The following PTPRM variants were observed in gnomAD, a reference collection of about 807,000 sequenced individuals.
PTPRM encodes the protein receptor-type tyrosine-protein phosphatase mu.
PTPRM carries 47 observed loss-of-function variants against 186.7 expected under a neutral mutation model. That is an observed-to-expected ratio of 0.25 (90% confidence interval 0.20 to 0.32). The LOEUF is 0.32. Ranked by LOEUF, PTPRM falls within the 10% of genes least tolerant of loss-of-function variation. The pLI is 1.00. For synonymous variants in PTPRM, 668 were observed against 674.9 expected (o/e 0.99, Z 0.16); for missense variants, 1,494 against 1,865.0 (o/e 0.80, Z 3.66).
chr18:7,865,514 C>G (rs192241022), intron 2 of PTPRM, among the ~76,000 whole-genome samples: 207 of 152,278 alleles, frequency 1.4e-3, no homozygotes, highest in African/African-American at 4.6e-3. Context: ...TTGAACCAGC[C>G]TTGCATCCCA....
chr18:7,883,379 A>G (rs1325889473), intron 2 of PTPRM, among the ~76,000 whole-genome samples: 1 of 152,206 alleles, frequency 6.6e-6, no homozygotes, highest in Non-Finnish European at 1.5e-5. Context: ...CAGACTTAAT[A>G]GTCTAAAATT....
At position 8,127,759 on chromosome 18, in the gene PTPRM, TTCATTCAC is replaced by T. The variant is rs1392664696; in HGVS notation, c.2167+12940_2167+12947del. 5.3e-5 allele frequency among the ~76,000 whole-genome samples: 8 copies of T among 152,296 alleles called. No homozygotes were observed. In the East Asian group the frequency reaches 1.5e-3, roughly 29 times the overall value. ...AGAGAAGCTATCATTCATTCATTCA[TTCATTCAC>T]TCATTCATTGTTTCCATCGATGCGC... On this transcript the variant is annotated intron_variant, in intron 13 of 32. Coordinates refer to ENST00000580170, the MANE Select transcript of PTPRM (RefSeq NM_001105244.2).
At chr18:7,658,534 G>A (rs112456437) in intron 1 of PTPRM, among the ~76,000 whole-genome samples, 1 of 151,776 alleles carries the variant, frequency 6.6e-6, no homozygotes, top group Non-Finnish European at 1.5e-5. Flanking sequence ...TGTGTTAGGG[G>A]TTGCATGTCT....
chr18:8,134,559 T>A (rs1387075769), intron 13 of PTPRM, among the ~76,000 whole-genome samples: 2 of 152,210 alleles, frequency 1.3e-5, no homozygotes, highest in Admixed American at 6.5e-5. Context: ...GACTAGTATA[T>A]CATGCTCCAG....
chr18:8,336,433 T>C (rs2095439307), intron 22 of PTPRM, among the ~76,000 whole-genome samples: 1 of 152,002 alleles, frequency 6.6e-6, no homozygotes, highest in South Asian at 2.1e-4. Flanking sequence ...GTGCCTGTGG[T>C]CCAAGCTACT....
rs1305587755 is a variant in PTPRM at position 8,252,474 on chromosome 18, T to C, written c.2555-14T>C. The C allele has an allele frequency of 2.0e-6, 3 of 1,537,528 alleles. No individual in the cohort carries two copies. Among genetic ancestry groups the C allele is most frequent in the African/African-American group, 2.7e-5 (2 of 73,146 alleles). On this transcript the variant is annotated splice_polypyrimidine_tract_variant and intron_variant, in intron 17 of 32. Coordinates refer to ENST00000580170, the MANE Select transcript of PTPRM (RefSeq NM_001105244.2). ...TCTCCTCCTTTTTTCTCCTGATATG[T>C]ATCTTCTTAAAAGTGCCAATAAATG...
At chr18:8,038,010 G>A (rs183778506) in intron 7 of PTPRM, among the ~76,000 whole-genome samples, 107 of 152,262 alleles carry the variant, frequency 7.0e-4, no homozygotes, top group African/African-American at 2.5e-3. Context: ...TTTGACTGCT[G>A]TAATAGACTC....
At chr18:8,172,710 G>A (rs61706383) in intron 14 of PTPRM, among the ~76,000 whole-genome samples, 9,404 of 142,106 alleles carry the variant, frequency 0.066, 334 homozygotes, top group African/African-American at 0.087. Flanking sequence ...AAAAAAAAAA[G>A]AAAAAAAAAA....
At chr18:8,146,916 C>A (rs1172808133) in intron 14 of PTPRM, among the ~76,000 whole-genome samples, 4 of 152,108 alleles carry the variant, frequency 2.6e-5, no homozygotes, top group Non-Finnish European at 5.9e-5. Flanking sequence ...AATCTTTTCC[C>A]CATTGCTTGT....
At chr18:7,845,088 A>G (rs1442242688) in intron 2 of PTPRM, among the ~76,000 whole-genome samples, 1 of 152,202 alleles carries the variant, frequency 6.6e-6, no homozygotes, top group Non-Finnish European at 1.5e-5. Context: ...CTGAATGAAC[A>G]GTTCTCTGAG....
chr18:7,634,284 T>C (rs1217428830), intron 1 of PTPRM, among the ~76,000 whole-genome samples: 1 of 152,200 alleles, frequency 6.6e-6, no homozygotes, highest in Non-Finnish European at 1.5e-5. Context: ...CGATTCCCAT[T>C]GTACTGTTGC....
intron 1 of PTPRM, among the ~76,000 whole-genome samples, chr18:7,770,712 C>T (rs539947279): frequency 1.3e-5 from 2 of 152,264 alleles, no homozygotes; most frequent in Admixed American, 6.5e-5. Flanking sequence ...TTTGCTATTA[C>T]CTAAAGCTGT....
chr18:7,804,626 A>G (rs555305675), intron 2 of PTPRM, among the ~76,000 whole-genome samples: 9 of 152,332 alleles, frequency 5.9e-5, no homozygotes, highest in Non-Finnish European at 1.2e-4. Flanking sequence ...GTACATGTCT[A>G]TGTTCTGTCA....
At chr18:8,057,425 C>CTTTTTTTTTTTTTTTTTTTTTTATGTTT (rs2088080737) in intron 7 of PTPRM, among the ~76,000 whole-genome samples, 2 of 102,562 alleles carry the variant, frequency 2.0e-5, no homozygotes, top group Non-Finnish European at 3.8e-5. Context: ...TGTGATACTT[C>CTTTTTTTTTTTTTTTTTTTTTTATGTTT]TTTTTTTTTT....
At chr18:8,334,462 A>G (rs547637447) in intron 22 of PTPRM, among the ~76,000 whole-genome samples, 1 of 152,162 alleles carries the variant, frequency 6.6e-6, no homozygotes, top group African/African-American at 2.4e-5. Context: ...CCTGCCCTAT[A>G]GGCTCTGACC....
In PTPRM at chr18:8,294,952, G is replaced by A. The variant is rs143099142; in HGVS notation, c.2755-1416G>A. 2.6e-4 allele frequency among the ~76,000 whole-genome samples: 39 copies of A among 152,252 alleles called. 1 individual carries two copies. Among genetic ancestry groups the A allele is most frequent in the African/African-American group, 9.4e-4 (39 of 41,542 alleles). ...TCCAGCCAGTCTCTGATGCAAGCTCGGTTGTATGGTAACAGCAGTGTCCAT... is the reference window on the plus strand; with the variant it reads ...TCCAGCCAGTCTCTGATGCAAGCTCAGTTGTATGGTAACAGCAGTGTCCAT... On this transcript the variant is annotated intron_variant, in intron 19 of 32. Transcript: ENST00000580170.
chr18:8,101,176 A>G (rs2145541800), intron 11 of PTPRM, among the ~76,000 whole-genome samples: 1 of 152,372 alleles, frequency 6.6e-6, no homozygotes, highest in Non-Finnish European at 1.5e-5. Context: ...ATGCAACCAT[A>G]GCATGGAGCT....
intron 2 of PTPRM, among the ~76,000 whole-genome samples, chr18:7,820,397 A>G (rs568186822): frequency 6.6e-6 from 1 of 152,318 alleles, no homozygotes; most frequent in Admixed American, 6.5e-5. Context: ...ATAAAAGGTC[A>G]TTATCCTAGA....
intron 23 of PTPRM, among the ~76,000 whole-genome samples, chr18:8,368,229 G>A (rs916273271): frequency 2.6e-5 from 4 of 151,236 alleles, no homozygotes; most frequent in African/African-American, 7.3e-5. Flanking sequence ...AACTGGCATC[G>A]TGAAAGTATG....
Sources: allele counts gnomAD v4.1 joint callset (sites outside exome capture counted in the v4.1 genomes callset), GRCh38; gene constraint gnomAD v4.1.1; transcripts MANE v1.5; gene names NCBI Gene and HGNC (gene_info 2026-07-23, HGNC 2026-07-21).